WDR31: variants seen among roughly 807,000 people sequenced by gnomAD.
WDR31 encodes WD repeat domain 31.
A neutral mutation model predicts 47.3 loss-of-function variants in WDR31; 30 were observed. That is an observed-to-expected ratio of 0.63 (90% CI 0.47 to 0.86). The LOEUF (loss-of-function observed/expected upper bound fraction) is 0.86. Among genes scored for constraint, WDR31 ranks in the 40% least tolerant of loss-of-function variants. WDR31 has a pLI of 0.00. For synonymous variants in WDR31, 137 were observed against 159.4 expected (o/e 0.86, Z 1.06); for missense variants, 406 against 442.9 (o/e 0.92, Z 0.75).
chr9:113,333,482 C>T (rs1237695126), intron 2 of WDR31, among the ~76,000 whole-genome samples: 10 of 149,660 alleles, frequency 6.7e-5, no homozygotes, highest in Non-Finnish European at 1.5e-4. Flanking sequence ...CCCAGGTTCA[C>T]GCCATTCTCC....
In WDR31 at chr9:113,340,230, G is replaced by A. The variant is rs929155622; in HGVS notation, c.-195C>T. On this transcript the variant is annotated 5_prime_UTR_variant, in exon 1 of 11. Transcript: ENST00000374193. ...CTCAGTACCCACCGGTGGGCTGCGG[G>A]GCTGGAGCTGGGGCCGGCGGGAACG... 1 of 152,262 alleles carries A rather than the reference G, an allele frequency of 6.6e-6. No individual in the cohort carries two copies. The highest frequency in any genetic ancestry group is 2.4e-5 in the African/African-American group (1 of 41,444). The allele number at this position is 152,262 out of a possible 1,614,324, so 9.4% of individuals were successfully genotyped here.
At chr9:113,320,308 T>C (rs769207398) in intron 9 of WDR31, 49 bp downstream of exon 9, 8 of 1,602,756 alleles carry the variant, frequency 5.0e-6, no homozygotes, top group East Asian at 2.2e-5. Context: ...CCAGAGTAAG[T>C]GATCTGTTCA....
chr9:113,321,619 C>G (rs772220083), intron 7 of WDR31, 41 bp from the exon 8 acceptor site: 1 of 1,575,020 alleles, frequency 6.3e-7, no homozygotes, highest in African/African-American at 1.3e-5. Flanking sequence ...CACACCAAGT[C>G]ATTCCTCTGC....
At chr9:113,332,904 C>T (rs563388579) in intron 2 of WDR31, among the ~76,000 whole-genome samples, 13 of 152,240 alleles carry the variant, frequency 8.5e-5, no homozygotes, top group Non-Finnish European at 1.6e-4. Flanking sequence ...TTTAAAAAAG[C>T]CTGGCACCTC....
At chr9:113,316,985 C>A in intron 10 of WDR31, 76 bp from the exon 11 acceptor site, 1 of 1,517,736 alleles carries the variant, frequency 6.6e-7, no homozygotes, top group Non-Finnish European at 8.9e-7. Flanking sequence ...ATGAGAAATG[C>A]AAGGAAATAA....
rs77743730 is a variant in WDR31 at position 113,332,166 on chromosome 9, C to T, written c.-28-116G>A. On this transcript the variant is annotated intron_variant, in intron 2 of 10. Coordinates refer to ENST00000374193, the MANE Select transcript of WDR31 (RefSeq NM_001012361.4). ...TGTATGCTTTTGCTTTTCCTCCTCACCCTGCTTCACACTTACAGCCCTGAG... is the reference window on the plus strand; with the variant it reads ...TGTATGCTTTTGCTTTTCCTCCTCATCCTGCTTCACACTTACAGCCCTGAG... 1.9e-3 allele frequency: 1,239 copies of T among 666,150 alleles called. 13 individuals carry two copies. In the African/African-American group the frequency reaches 0.021, roughly 11 times the overall value. 41.3% of individuals were successfully genotyped at this position (666,150 alleles called of 1,614,324 possible).
In WDR31 at chr9:113,319,810, C is replaced by G. The variant is rs186861010; in HGVS notation, c.780+547G>C. On this transcript the variant is annotated intron_variant, in intron 9 of 10. Coordinates refer to ENST00000374193, the MANE Select transcript of WDR31 (RefSeq NM_001012361.4). ...AATAAATCTGGTTCTTCAAACAGTC[C>G]CTCCCCTCTCTAAGCTCTGCTGGGA... Among the ~76,000 whole-genome samples the G allele has an allele frequency of 2.0e-3, 299 of 152,252 alleles. 1 individual carries two copies. Among genetic ancestry groups the G allele is most frequent in the South Asian group, 0.018 (85 of 4,824 alleles).
chr9:113,326,682 C>T (rs1833477288), intron 5 of WDR31, among the ~76,000 whole-genome samples: 1 of 152,132 alleles, frequency 6.6e-6, no homozygotes, highest in African/African-American at 2.4e-5. Context: ...CTATGTTGCC[C>T]AGGCTGGTCT....
chr9:113,313,280 A>C lies in WDR31; in HGVS notation c.*3469T>G, dbSNP rs1295115598. ...AACCCTACTAACTCATCAGAGCCCC[A>C]CTATTTTCTCCCGTGTACTTTCCTT... On this transcript the variant is annotated 3_prime_UTR_variant, in exon 11 of 11. Transcript: ENST00000374193. The C allele has an allele frequency of 6.6e-6, 1 of 152,196 alleles. No individual in the cohort carries two copies. The highest frequency in any genetic ancestry group is 1.5e-5 in the Non-Finnish European group (1 of 68,024). 9.4% of individuals were successfully genotyped at this position (152,196 alleles called of 1,614,324 possible). A position where few individuals can be genotyped will look rare whatever the true frequency, so the allele number is the denominator to read the frequency against.
chr9:113,326,602 G>A lies in WDR31; in HGVS notation c.324+2279C>T, dbSNP rs1833475174. ...TTGCCTTAGCCTCCCAAGTAGCTTTGACTATAGGTATGCACCACTATGACC... is the reference window on the plus strand; with the variant it reads ...TTGCCTTAGCCTCCCAAGTAGCTTTAACTATAGGTATGCACCACTATGACC... On this transcript the variant is annotated intron_variant, in intron 5 of 10. Coordinates refer to ENST00000374193, the MANE Select transcript of WDR31 (RefSeq NM_001012361.4). Among the ~76,000 whole-genome samples, 3 of 151,996 alleles carry A rather than the reference G, an allele frequency of 2.0e-5. No individual in the cohort carries two copies. In the South Asian group the frequency reaches 6.2e-4, roughly 32 times the overall value.
chr9:113,331,272 A>G (rs192930367), intron 3 of WDR31, among the ~76,000 whole-genome samples, 156 bp from the exon 4 acceptor site: 7 of 152,138 alleles, frequency 4.6e-5, no homozygotes, highest in Non-Finnish European at 7.4e-5. Context: ...ACCCATTTAC[A>G]TTGTCAGCAA....
At chr9:113,330,170 G>A (rs1833565846) in intron 4 of WDR31, among the ~76,000 whole-genome samples, 2 of 151,804 alleles carry the variant, frequency 1.3e-5, no homozygotes, top group Non-Finnish European at 2.9e-5. Flanking sequence ...GCCCGATCTC[G>A]GCTTACTGCA....
Position 113,322,986 on chromosome 9 carries a change from T to A in WDR31, c.469+25A>T, listed in dbSNP as rs542576683. 5.0e-6 allele frequency: 8 copies of A among 1,613,764 alleles called. 1 individual carries two copies. In the South Asian group the frequency reaches 6.6e-5, roughly 13 times the overall value. ...GGCTTTTCAGAAAGCACAAAGGCATTGGGAAGAGGTCCGCTTTGTTTTACC... is the reference window on the plus strand; with the variant it reads ...GGCTTTTCAGAAAGCACAAAGGCATAGGGAAGAGGTCCGCTTTGTTTTACC... On this transcript the variant is annotated intron_variant, in intron 6 of 10. Transcript: ENST00000374193.
chr9:113,322,882 C>T lies in WDR31; in HGVS notation c.499G>A (p.Asp167Asn). 1 of 1,614,156 alleles carries T rather than the reference C, an allele frequency of 6.2e-7. No homozygotes were observed. The highest frequency in any genetic ancestry group is 8.5e-7 in the Non-Finnish European group (1 of 1,180,026). Residue 167 changes from aspartate (D) to asparagine (N), a missense_variant, in exon 7 of 11, where the codon GAC becomes AAC. Asp to Asn is a conservative substitution (Grantham distance 23, BLOSUM62 1). Transcript: ENST00000374193. Reference sequence around the variant, plus strand: ...ACATCCCACAGAAGCAGGGTGTTGTCCCGAGAGCCAGTGCACAGCTGTGAT... The same window carrying T: ...ACATCCCACAGAAGCAGGGTGTTGTTCCGAGAGCCAGTGCACAGCTGTGAT... The part of the protein sequence containing the change: ...DSSQLCTGSR[D>N]NTLLLWDVVT...
intron 2 of WDR31, among the ~76,000 whole-genome samples, chr9:113,336,079 T>C (rs538265357): frequency 6.6e-6 from 1 of 152,356 alleles, no homozygotes; most frequent in East Asian, 1.9e-4. Context: ...GGTGCAGGGC[T>C]TCTTATCTGC....
chr9:113,322,362 A>C (rs576808801), intron 7 of WDR31, among the ~76,000 whole-genome samples: 20 of 152,266 alleles, frequency 1.3e-4, no homozygotes, highest in African/African-American at 4.8e-4. Context: ...CCAGTCTGCT[A>C]CTAGAAAACA....
intron 5 of WDR31, among the ~76,000 whole-genome samples, chr9:113,325,104 C>G (rs529045590): frequency 2.0e-5 from 3 of 151,534 alleles, no homozygotes; most frequent in Non-Finnish European, 2.9e-5. Context: ...TGCCACCATG[C>G]CTGGCTAATT....
At chr9:113,335,411 GC>G (rs1421441108) in intron 2 of WDR31, among the ~76,000 whole-genome samples, 2 of 152,186 alleles carry the variant, frequency 1.3e-5, no homozygotes, top group African/African-American at 2.4e-5. Context: ...AGTATGGGGG[GC>G]AGTGGGAGCA....
chr9:113,318,569 G>C lies in WDR31; in HGVS notation c.849C>G (p.Ser283=), dbSNP rs1482043151. 8 of 1,614,114 alleles carry C rather than the reference G, an allele frequency of 5.0e-6. No individual in the cohort carries two copies. The highest frequency in any genetic ancestry group is 6.8e-6 in the Non-Finnish European group (8 of 1,180,050). ...CCAATGCTCTTGGTAGAAAGACGCA[G>C]GATGCGACAGTCTGGAAATGCCCCT... is the stretch of plus-strand genomic sequence containing the variant. ...EYKGHFQTVA[S]CVFLPRALAL... The change falls in exon 10 of 11, where the codon TCC becomes TCG. Residue 283 remains serine (S), a synonymous_variant. Coordinates refer to ENST00000374193, the MANE Select transcript of WDR31 (RefSeq NM_001012361.4).
Sources: gnomAD v4.1 joint callset for allele counts (sites outside exome capture counted in the v4.1 genomes callset) on GRCh38, gnomAD v4.1.1 for gene constraint, MANE v1.5 for transcripts, NCBI Gene and HGNC (gene_info 2026-07-23, HGNC 2026-07-21) for gene names.